Variants in ACYP2 observed in about 807,000 individuals in gnomAD.
ACYP2 encodes acylphosphatase-2.
Under a neutral mutation model 11.2 loss-of-function variants are expected in ACYP2, and 12 were observed. That is an observed-to-expected ratio of 1.08 (90% CI 0.69 to 1.74). The LOEUF (loss-of-function observed/expected upper bound fraction) is 1.74, where lower values mean the gene tolerates loss of function less well. Among genes scored for constraint, ACYP2 ranks in the 40% most tolerant of loss-of-function variants. The probability of loss-of-function intolerance (pLI) is 0.00; values close to 1 mark genes in which losing one functional copy is unlikely to be tolerated. For missense variants in ACYP2, 134 were observed against 101.9 expected (o/e 1.31, Z -1.35); for synonymous variants, 43 against 32.2 (o/e 1.33, Z -1.13).
chr2:54,054,012 G>C (rs1051370773), intron 3 of ACYP2, among the ~76,000 whole-genome samples: 1 of 152,236 alleles, frequency 6.6e-6, no homozygotes, highest in African/African-American at 2.4e-5. Flanking sequence ...TCTCTGGGTA[G>C]AGGATGGAAT....
Position 54,138,669 on chromosome 2 carries a change from G to C in ACYP2, c.325G>C (p.Val109Leu). 6.2e-7 allele frequency: 1 copy of C among 1,614,090 alleles called. No homozygotes were observed. The highest frequency in any genetic ancestry group is 8.5e-7 in the Non-Finnish European group (1 of 1,179,984). ...AGAAGATGAAGCTAGGAAAATAGGA[G>C]TGGTTGGCTGGGTGAAGAATACCAG... is the stretch of plus-strand genomic sequence containing the variant. The change falls in exon 6 of 7, where the codon GTG becomes CTG. Residue 109 changes from valine to leucine, a missense_variant. Val to Leu is a conservative substitution (Grantham distance 32, BLOSUM62 1). Coordinates refer to ENST00000607452, the MANE Select transcript of ACYP2 (RefSeq NM_001320586.2).
intron 4 of ACYP2, among the ~76,000 whole-genome samples, chr2:54,079,268 G>A (rs932664514): frequency 6.6e-6 from 1 of 152,174 alleles, no homozygotes; most frequent in Non-Finnish European, 1.5e-5. Flanking sequence ...CCTTTACTGT[G>A]TACCAGCCAG....
intron 6 of ACYP2, among the ~76,000 whole-genome samples, chr2:54,279,189 C>G (rs1341532646): frequency 6.6e-6 from 1 of 152,206 alleles, no homozygotes; most frequent in Non-Finnish European, 1.5e-5. Flanking sequence ...TCGTGGAGAT[C>G]GTTTAGACCA....
intron 4 of ACYP2, chr2:54,065,592 G>A (rs1177074293): frequency 5.0e-6 from 2 of 398,232 alleles, no homozygotes; most frequent in African/African-American, 4.1e-5. Context: ...TGATTCAACA[G>A]ATCCCTGGGC....
chr2:54,114,517 C>G (rs1435378230), intron 4 of ACYP2, among the ~76,000 whole-genome samples: 2 of 152,186 alleles, frequency 1.3e-5, no homozygotes, highest in Admixed American at 6.5e-5. Context: ...AACCCCGTCT[C>G]CACTAAAAAT....
intron 6 of ACYP2, among the ~76,000 whole-genome samples, chr2:54,143,760 G>T (rs1474507139): frequency 1.5e-4 from 19 of 129,916 alleles, no homozygotes; most frequent in African/African-American, 3.5e-4. Context: ...TTTTTTTTGG[G>T]GGGGGGGTAT....
chr2:54,006,201 G>A (rs1169193513), intron 2 of ACYP2, among the ~76,000 whole-genome samples: 1 of 152,176 alleles, frequency 6.6e-6, no homozygotes, highest in Non-Finnish European at 1.5e-5. Context: ...AGGCTGGAGT[G>A]CAATGGTACG....
chr2:54,138,422 G>A (rs1398739501), intron 5 of ACYP2, among the ~76,000 whole-genome samples: 2 of 152,172 alleles, frequency 1.3e-5, no homozygotes, highest in African/African-American at 4.8e-5. Context: ...TTTTATGATA[G>A]TGGAATTGTT....
chr2:54,141,190 G>T (rs1004872743), intron 6 of ACYP2, among the ~76,000 whole-genome samples: 10 of 152,086 alleles, frequency 6.6e-5, no homozygotes, highest in African/African-American at 2.4e-4. Flanking sequence ...ATTGGTTATG[G>T]TTACTAACCC....
intron 4 of ACYP2, among the ~76,000 whole-genome samples, chr2:54,093,078 A>G (rs933083368): frequency 9.2e-5 from 14 of 152,166 alleles, no homozygotes; most frequent in African/African-American, 3.4e-4. Context: ...CTGCAGCTCA[A>G]TTCTGCTGCC....
intron 6 of ACYP2, among the ~76,000 whole-genome samples, chr2:54,173,371 T>G (rs1240798790): frequency 1.3e-5 from 2 of 152,244 alleles, no homozygotes; most frequent in Middle Eastern, 6.3e-3. Context: ...TTTATATCCT[T>G]TGCCCACTTT....
chr2:54,051,757 G>A lies in ACYP2; in HGVS notation c.155+707G>A, dbSNP rs1025038450. On this transcript the variant is annotated intron_variant, in intron 3 of 6. Transcript: ENST00000607452. ...GGCTGAAAAAAGCAAGAAAAAGAAG[G>A]AAGAGTGCCAGGCTCAGTGGCTCAC... The A allele has an allele frequency of 7.5e-6, 4 of 534,366 alleles. No individual in the cohort carries two copies. In the African/African-American group the frequency reaches 7.8e-5, roughly 10 times the overall value. The allele number at this position is 534,366 out of a possible 1,614,324, so 33.1% of individuals were successfully genotyped here.
intron 4 of ACYP2, among the ~76,000 whole-genome samples, chr2:54,117,935 CCT>C (rs1202310865): frequency 6.6e-6 from 1 of 152,130 alleles, no homozygotes; most frequent in Non-Finnish European, 1.5e-5. Flanking sequence ...CCCTTTCCCC[CCT>C]GACTCCCCAG....
chr2:54,172,443 CA>C (rs970507730), intron 6 of ACYP2, among the ~76,000 whole-genome samples: 1 of 152,086 alleles, frequency 6.6e-6, no homozygotes, highest in Non-Finnish European at 1.5e-5. Context: ...TCCAAATCAT[CA>C]AAACTGATGA....
intron 6 of ACYP2, among the ~76,000 whole-genome samples, chr2:54,188,853 G>C (rs949892394): frequency 2.6e-5 from 4 of 152,058 alleles, no homozygotes; most frequent in African/African-American, 4.8e-5. Flanking sequence ...CCCGTTCCCA[G>C]CCTACTGATG....
intron 6 of ACYP2, among the ~76,000 whole-genome samples, chr2:54,192,655 G>A (rs1008051983): frequency 2.0e-5 from 3 of 152,130 alleles, no homozygotes; most frequent in Non-Finnish European, 2.9e-5. Context: ...AATAGAAGAT[G>A]AAATATGGGC....
chr2:54,014,554 T>G (rs1673573585), intron 2 of ACYP2, among the ~76,000 whole-genome samples: 1 of 151,862 alleles, frequency 6.6e-6, no homozygotes, highest in African/African-American at 2.4e-5. Flanking sequence ...CTCCTGACCT[T>G]AAGTGATCCG....
At chr2:54,097,870 TTCTC>T (rs112622014) in intron 4 of ACYP2, among the ~76,000 whole-genome samples, 2 of 136,212 alleles carry the variant, frequency 1.5e-5, no homozygotes, top group African/African-American at 2.8e-5. Flanking sequence ...TTCTTTCTCT[TTCTC>T]TCTCTCTCTC....
chr2:53,994,737 T>C (rs777373442), intron 2 of ACYP2, among the ~76,000 whole-genome samples: 5 of 152,134 alleles, frequency 3.3e-5, no homozygotes, highest in Non-Finnish European at 5.9e-5. Context: ...GGATAGCAAT[T>C]TTATTCCCAA....
Sources: gnomAD v4.1 joint callset for allele counts (sites outside exome capture counted in the v4.1 genomes callset) on GRCh38, gnomAD v4.1.1 for gene constraint, MANE v1.5 for transcripts, NCBI Gene and HGNC (gene_info 2026-07-23, HGNC 2026-07-21) for gene names.